The following SLC5A3 variants were observed in gnomAD, a reference collection of about 807,000 sequenced individuals.
SLC5A3 encodes solute carrier family 5 member 3, also known as sodium/myo-inositol cotransporter.
A neutral mutation model predicts 43.2 loss-of-function variants in SLC5A3; 10 were observed. The observed-to-expected ratio is 0.23, with a 90% CI of 0.14 to 0.39. The LOEUF (loss-of-function observed/expected upper bound fraction) is 0.39, where lower values mean the gene tolerates loss of function less well. SLC5A3 is among the 10% of genes least tolerant of loss of function. The pLI is 1.00. For synonymous variants in SLC5A3, 349 were observed against 322.0 expected (o/e 1.08, Z -0.90); for missense variants, 608 against 893.4 (o/e 0.68, Z 4.07).
rs1022183064 is a variant in SLC5A3, at chr21:34,104,427, A to G, written c.*7072A>G. 2.2e-5 allele frequency: 22 copies of G among 1,000,020 alleles called. No homozygotes were observed. The highest frequency in any genetic ancestry group is 1.6e-5 in the Non-Finnish European group (13 of 829,978). The allele number at this position is 1,000,020 out of a possible 1,614,324, so 61.9% of individuals were successfully genotyped here. A position where few individuals can be genotyped will look rare whatever the true frequency, so the allele number is the denominator to read the frequency against. On this transcript the variant is annotated 3_prime_UTR_variant, in exon 2 of 2. Coordinates refer to ENST00000381151, the MANE Select transcript of SLC5A3 (RefSeq NM_006933.7). ...GAATGAATGAATGTCTTTGTCTTAA[A>G]TTTTGCCCATGTGTTAAAAGATGTA...
chr21:34,096,654 A>T lies in SLC5A3; in HGVS notation c.1456A>T (p.Ile486Leu). The change falls in exon 2 of 2, where the codon ATA (isoleucine) becomes TTA (leucine). Residue 486 changes from isoleucine to leucine, a missense_variant. By Grantham distance (5) the Ile-to-Leu change is conservative. Transcript: ENST00000381151. The surrounding 1 kb of genome is among the most constrained non-coding windows in gnomAD (Gnocchi z 5.9). ...AGFVLGAVRL[I>L]LAFAYRAPEC... ...CTTTGTTCTTGGAGCAGTCCGTTTG[A>T]TACTGGCCTTTGCCTACCGTGCCCC... is the stretch of plus-strand genomic sequence containing the variant. 1 of 1,614,108 alleles carries T rather than the reference A, an allele frequency of 6.2e-7. No individual in the cohort carries two copies. Among genetic ancestry groups the T allele is most frequent in the Non-Finnish European group, 8.5e-7 (1 of 1,179,992 alleles).
chr21:34,086,402 C>A (rs548746783), intron 1 of SLC5A3, among the ~76,000 whole-genome samples: 2 of 152,256 alleles, frequency 1.3e-5, no homozygotes, highest in South Asian at 4.1e-4. Context: ...TCCCTGTACT[C>A]ATAGCCTGGG....
At chr21:34,083,123 G>T (rs1989496539) in intron 1 of SLC5A3, among the ~76,000 whole-genome samples, 1 of 152,192 alleles carries the variant, frequency 6.6e-6, no homozygotes, top group South Asian at 2.1e-4. Context: ...CTACCCTGGA[G>T]TGGTTAAGTG....
intron 1 of SLC5A3, among the ~76,000 whole-genome samples, chr21:34,074,127 C>T (rs1461542232): frequency 6.7e-6 from 1 of 148,800 alleles, no homozygotes; most frequent in African/African-American, 2.4e-5. Context: ...TCCGGCCCGT[C>T]CCCGCCAGTC....
Position 34,096,971 on chromosome 21 carries a change from T to A in SLC5A3, c.1773T>A (p.Ser591=), listed in dbSNP as rs1978992825. The A allele has an allele frequency of 6.2e-7, 1 of 1,614,158 alleles. No homozygotes were observed. The highest frequency in any genetic ancestry group is 8.5e-7 in the Non-Finnish European group (1 of 1,180,008). The part of the protein sequence containing the change: ...TINHIIPNGK[S]EDSIKGLQPE... ...ACCACATCATTCCCAACGGGAAATC[T>A]GAAGACAGCATTAAGGGCCTTCAGC... The change falls in exon 2 of 2, where the codon TCT becomes TCA. Residue 591 remains serine (S), a synonymous_variant. Coordinates refer to ENST00000381151, the MANE Select transcript of SLC5A3 (RefSeq NM_006933.7). This position sits in a 1 kb window ranked among gnomAD's most constrained non-coding sequence, Gnocchi z 5.9.
At position 34,103,224 on chromosome 21, in the gene SLC5A3, T is replaced by C. The variant is rs1979324793; in HGVS notation, c.*5869T>C. ...TGGATTAGTGCCTTCTGGTTACCAG[T>C]ATTGACTCTGCTAGTTTGCACCTTT... On this transcript the variant is annotated 3_prime_UTR_variant, in exon 2 of 2. Coordinates refer to ENST00000381151, the MANE Select transcript of SLC5A3 (RefSeq NM_006933.7). 2 of 999,814 alleles carry C rather than the reference T, an allele frequency of 2.0e-6. No homozygotes were observed. Among genetic ancestry groups the C allele is most frequent in the Non-Finnish European group, 2.4e-6 (2 of 829,868 alleles). 61.9% of individuals were successfully genotyped at this position (999,814 alleles called of 1,614,324 possible).
At chr21:34,079,602 ATTTTTTTTTTTTTT>A (rs398036389) in intron 1 of SLC5A3, among the ~76,000 whole-genome samples, 16 of 43,680 alleles carry the variant, frequency 3.7e-4, no homozygotes, top group South Asian at 3.1e-3. Flanking sequence ...GACCCAGCTA[ATTTTTTTTTTTTTT>A]TTTTTTTTTT....
In SLC5A3 at chr21:34,104,395, T is replaced by TGATA. The variant is rs1979385725; in HGVS notation, c.*7040_*7041insGATA. The TGATA allele has an allele frequency of 8.0e-6, 8 of 1,000,192 alleles. No individual in the cohort carries two copies. The South Asian group carries it at 3.8e-4, about 47-fold the overall frequency. 62.0% of individuals were successfully genotyped at this position (1,000,192 alleles called of 1,614,324 possible). ...CTCACTTCACCTCCGAGTAGCTTGT[T>TGATA]TATCAAGAATGAATGAATGTCTTTG... On this transcript the variant is annotated 3_prime_UTR_variant, in exon 2 of 2. Transcript: ENST00000381151.
At chr21:34,079,192 G>A (rs113057770) in intron 1 of SLC5A3, among the ~76,000 whole-genome samples, 1,747 of 152,080 alleles carry the variant, frequency 0.011, 38 homozygotes, top group South Asian at 0.08. Context: ...AATAGGTGGG[G>A]AAAAAAACAG....
At position 34,086,517 on chromosome 21, in the gene SLC5A3, TTGTGTGTGTGTGTGTG is replaced by T. The variant is rs34988334; in HGVS notation, c.-336-8330_-336-8315del. Among the ~76,000 whole-genome samples the T allele has an allele frequency of 1.8e-4, 27 of 148,384 alleles. No individual in the cohort carries two copies. The East Asian group carries it at 4.2e-3, about 23-fold the overall frequency. On this transcript the variant is annotated intron_variant, in intron 1 of 1. Coordinates refer to ENST00000381151, the MANE Select transcript of SLC5A3 (RefSeq NM_006933.7). ...ACTTGTGTTTATTTCTAGTTTGTGT[TTGTGTGTGTGTGTGTG>T]TGTGTGTGTGTGTGTATCTTCCTGA...
At chr21:34,091,940 C>T (rs1217460648) in intron 1 of SLC5A3, among the ~76,000 whole-genome samples, 1 of 147,534 alleles carries the variant, frequency 6.8e-6, no homozygotes, top group Non-Finnish European at 1.5e-5. Flanking sequence ...TATAATTTTA[C>T]TTGAGAGGTT....
chr21:34,085,467 A>G (rs2148655082), intron 1 of SLC5A3, among the ~76,000 whole-genome samples: 1 of 152,324 alleles, frequency 6.6e-6, no homozygotes, highest in East Asian at 1.9e-4. Context: ...TTGAGACTGA[A>G]TATTTTGTTT....
At chr21:34,077,178 T>G (rs2148651381) in intron 1 of SLC5A3, among the ~76,000 whole-genome samples, 1 of 152,270 alleles carries the variant, frequency 6.6e-6, no homozygotes, top group East Asian at 1.9e-4. Context: ...TAATTAGATT[T>G]TAAAGGTTGG....
Position 34,099,177 on chromosome 21 carries a change from A to C in SLC5A3, c.*1822A>C, listed in dbSNP as rs928356446. ...AATAGCATGTATTTCTGAAGAGCTT[A>C]GAGTGCCTTGTAGAATTTTTTTCTC... On this transcript the variant is annotated 3_prime_UTR_variant, in exon 2 of 2. Coordinates refer to ENST00000381151, the MANE Select transcript of SLC5A3 (RefSeq NM_006933.7). 1 of 999,512 alleles carries C rather than the reference A, an allele frequency of 1.0e-6. No individual in the cohort carries two copies. The highest frequency in any genetic ancestry group is 1.2e-6 in the Non-Finnish European group (1 of 829,520). The allele number at this position is 999,512 out of a possible 1,614,324, so 61.9% of individuals were successfully genotyped here.
Position 34,102,095 on chromosome 21 carries a change from C to T in SLC5A3, c.*4740C>T, listed in dbSNP as rs1049575443. 1.0e-6 allele frequency: 1 copy of T among 999,908 alleles called. No homozygotes were observed. Among genetic ancestry groups the T allele is most frequent in the Non-Finnish European group, 1.2e-6 (1 of 829,812 alleles). The allele number at this position is 999,908 out of a possible 1,614,324, so 61.9% of individuals were successfully genotyped here. On this transcript the variant is annotated 3_prime_UTR_variant, in exon 2 of 2. Transcript: ENST00000381151. ...GCTAGACTTGGTTAACTTAGGGCTG[C>T]AAATCTTTTTCTTCTGTCAAGGTCA...
intron 1 of SLC5A3, among the ~76,000 whole-genome samples, chr21:34,076,321 G>T (rs946140672): frequency 3.9e-5 from 6 of 152,028 alleles, no homozygotes; most frequent in Admixed American, 6.6e-5. Context: ...AATTGAGCTT[G>T]CAAAGTTTTA....
chr21:34,091,331 G>T (rs1052948039), intron 1 of SLC5A3, among the ~76,000 whole-genome samples: 1 of 152,066 alleles, frequency 6.6e-6, no homozygotes, highest in Non-Finnish European at 1.5e-5. Flanking sequence ...CTTGTTCCTT[G>T]TTTGGTTTTA....
At chr21:34,089,315 G>A (rs1323245058) in intron 1 of SLC5A3, among the ~76,000 whole-genome samples, 1 of 152,080 alleles carries the variant, frequency 6.6e-6, no homozygotes, top group East Asian at 1.9e-4. Context: ...ACCACGCCCA[G>A]CCTGTTATTT....
Position 34,099,273 on chromosome 21 carries a change from G to C in SLC5A3, c.*1918G>C, listed in dbSNP as rs1484663945. The C allele has an allele frequency of 2.0e-6, 2 of 1,000,086 alleles. No individual in the cohort carries two copies. The highest frequency in any genetic ancestry group is 1.2e-6 in the Non-Finnish European group (1 of 829,982). The allele number at this position is 1,000,086 out of a possible 1,614,324, so 62.0% of individuals were successfully genotyped here. A position where few individuals can be genotyped will look rare whatever the true frequency, so the allele number is the denominator to read the frequency against. ...CTCATCATTTTCTTGTTTGGAAGTT[G>C]AGGCTGCGACATGTCCAAGGTTATG... is the stretch of plus-strand genomic sequence containing the variant. On this transcript the variant is annotated 3_prime_UTR_variant, in exon 2 of 2. Coordinates refer to ENST00000381151, the MANE Select transcript of SLC5A3 (RefSeq NM_006933.7).
Sources: gnomAD v4.1 joint callset for allele counts (sites outside exome capture counted in the v4.1 genomes callset) on GRCh38, gnomAD v4.1.1 for gene constraint, Gnocchi (gnomAD v3.1) non-coding constraint, MANE v1.5 for transcripts, NCBI Gene and HGNC (gene_info 2026-07-23, HGNC 2026-07-21) for gene names.